The following ARHGAP22 variants were observed in gnomAD, a reference collection of about 807,000 sequenced individuals.
ARHGAP22 encodes rho GTPase-activating protein 22.
A neutral mutation model predicts 59.1 loss-of-function variants in ARHGAP22; 48 were observed. The observed-to-expected ratio is 0.81, with a 90% CI of 0.64 to 1.03. The LOEUF (loss-of-function observed/expected upper bound fraction) is 1.03. Ranked by LOEUF, ARHGAP22 falls within the 50% of genes least tolerant of loss-of-function variation. ARHGAP22 has a pLI of 0.00. For missense variants in ARHGAP22, 1,015 were observed against 958.7 expected (o/e 1.06, Z -0.78); for synonymous variants, 445 against 416.4 (o/e 1.07, Z -0.84).
chr10:48,535,639 G>A (rs571857090), intron 3 of ARHGAP22, among the ~76,000 whole-genome samples: 8 of 152,316 alleles, frequency 5.3e-5, no homozygotes, highest in South Asian at 4.1e-4. Flanking sequence ...CTGCCACACC[G>A]GTCCAGAGGG....
chr10:48,539,281 G>T (rs922938308), intron 3 of ARHGAP22, among the ~76,000 whole-genome samples: 10 of 138,862 alleles, frequency 7.2e-5, no homozygotes, highest in Non-Finnish European at 4.6e-5. Flanking sequence ...ATTAGTATGA[G>T]AAGGGTAACA....
intron 1 of ARHGAP22, among the ~76,000 whole-genome samples, chr10:48,637,388 A>G (rs566252815): frequency 6.9e-6 from 1 of 144,738 alleles, no homozygotes; most frequent in South Asian, 2.5e-4. Context: ...TGAGTAGCCA[A>G]TGGATGAATG....
At chr10:48,469,992 C>T (rs565299689) in intron 4 of ARHGAP22, among the ~76,000 whole-genome samples, 1 of 152,310 alleles carries the variant, frequency 6.6e-6, no homozygotes, top group East Asian at 1.9e-4. Flanking sequence ...TGTCTCCTCA[C>T]CAAAAGTGGG....
Position 48,450,760 on chromosome 10 carries a change from C to G in ARHGAP22, c.1369G>C (p.Gly457Arg). 1 of 1,561,978 alleles carries G rather than the reference C, an allele frequency of 6.4e-7. No individual in the cohort carries two copies. Among genetic ancestry groups the G allele is most frequent in the Non-Finnish European group, 8.7e-7 (1 of 1,153,372 alleles). ...SSLEVPIISSGGNWLMNGLSS... is the reference protein window; with the variant it reads ...SSLEVPIISSRGNWLMNGLSS... ...AGCCCGTTCATAAGCCAGTTCCCGC[C>G]GGAGGAGATGATGGGCACCTCCAGG... The change falls in exon 9 of 10, where the codon GGC becomes CGC. Residue 457 changes from glycine to arginine, a missense_variant. By Grantham distance (125) the Gly-to-Arg change is moderately radical. Coordinates refer to ENST00000249601, the MANE Select transcript of ARHGAP22 (RefSeq NM_021226.4).
At chr10:48,567,797 T>A (rs1474557125) in intron 2 of ARHGAP22, among the ~76,000 whole-genome samples, 1 of 152,150 alleles carries the variant, frequency 6.6e-6, no homozygotes, top group Non-Finnish European at 1.5e-5. Flanking sequence ...GAGGCCAACA[T>A]CTGGCCCACC....
At chr10:48,574,848 T>C (rs1189573617) in intron 2 of ARHGAP22, 4 of 152,170 alleles carry the variant, frequency 2.6e-5, no homozygotes, top group African/African-American at 9.7e-5. Context: ...ATTTGAGAAA[T>C]GGAGACAACC....
intron 3 of ARHGAP22, among the ~76,000 whole-genome samples, chr10:48,522,754 T>C (rs1344460739): frequency 2.0e-5 from 3 of 152,212 alleles, no homozygotes; most frequent in African/African-American, 7.2e-5. Flanking sequence ...AAATTCTTTT[T>C]CATTCTTTCT....
chr10:48,577,471 T>C (rs1410019645), intron 2 of ARHGAP22, among the ~76,000 whole-genome samples: 1 of 152,188 alleles, frequency 6.6e-6, no homozygotes, highest in Non-Finnish European at 1.5e-5. Context: ...AGGGTCCACC[T>C]CCGCCATTTT....
intron 1 of ARHGAP22, among the ~76,000 whole-genome samples, chr10:48,616,590 T>TA (rs2061092097): frequency 6.6e-6 from 1 of 152,150 alleles, no homozygotes; most frequent in East Asian, 1.9e-4. Flanking sequence ...CAAAAGCAGA[T>TA]AAATGACTTG....
At chr10:48,506,282 C>A (rs770138872) in intron 3 of ARHGAP22, among the ~76,000 whole-genome samples, 8 of 152,166 alleles carry the variant, frequency 5.3e-5, no homozygotes, top group Non-Finnish European at 1.2e-4. Flanking sequence ...CTCACACAAA[C>A]CTAGACAGTA....
At chr10:48,538,493 G>A (rs759343013) in intron 3 of ARHGAP22, among the ~76,000 whole-genome samples, 38 of 152,164 alleles carry the variant, frequency 2.5e-4, no homozygotes, top group Non-Finnish European at 2.1e-4. Flanking sequence ...CTATGTTCTT[G>A]GAACCCACGA....
intron 3 of ARHGAP22, among the ~76,000 whole-genome samples, chr10:48,544,001 G>A (rs1402154396): frequency 6.6e-6 from 1 of 152,122 alleles, no homozygotes; most frequent in African/African-American, 2.4e-5. Flanking sequence ...GTGTGCACCT[G>A]TAATCCCAGC....
intron 1 of ARHGAP22, among the ~76,000 whole-genome samples, chr10:48,650,549 G>T (rs2136214306): frequency 6.6e-6 from 1 of 152,290 alleles, no homozygotes; most frequent in Admixed American, 6.5e-5. Context: ...CTTCAAAATG[G>T]TTAAATTCAT....
At chr10:48,524,025 GC>G in intron 3 of ARHGAP22, 1 of 1,466,622 alleles carries the variant, frequency 6.8e-7, no homozygotes, top group Non-Finnish European at 9.0e-7. Flanking sequence ...GCCGCAGGGA[GC>G]GGGGCGCACG....
At chr10:48,602,615 T>C (rs376026276) in intron 1 of ARHGAP22, among the ~76,000 whole-genome samples, 8 of 152,174 alleles carry the variant, frequency 5.3e-5, no homozygotes, top group Admixed American at 3.3e-4. Flanking sequence ...TGCTTTCTCC[T>C]CTATCCAGCT....
Position 48,605,029 on chromosome 10 carries a change from C to T in ARHGAP22, c.-233G>A. 1 of 1,431,910 alleles carries T rather than the reference C, an allele frequency of 7.0e-7. No individual in the cohort carries two copies. Among genetic ancestry groups the T allele is most frequent in the East Asian group, 2.5e-5 (1 of 39,400 alleles). The allele number at this position is 1,431,910 out of a possible 1,614,324, so 88.7% of individuals were successfully genotyped here. Reference sequence around the variant, plus strand: ...ATCCATCCCAGAATTAATTCCCATCCAAGCGGACCATTAAAGCCTCAGTAA... The same window carrying T: ...ATCCATCCCAGAATTAATTCCCATCTAAGCGGACCATTAAAGCCTCAGTAA... On this transcript the variant is annotated 5_prime_UTR_variant, in exon 1 of 10. Transcript: ENST00000249601.
chr10:48,543,091 A>G (rs1042789763), intron 3 of ARHGAP22, among the ~76,000 whole-genome samples: 13 of 152,128 alleles, frequency 8.5e-5, no homozygotes, highest in Middle Eastern at 3.4e-3. Context: ...GTCTGTTCTC[A>G]CCCCTTGAGT....
intron 3 of ARHGAP22, among the ~76,000 whole-genome samples, chr10:48,550,282 A>T (rs1168474938): frequency 1.3e-5 from 2 of 152,144 alleles, no homozygotes; most frequent in African/African-American, 4.8e-5. Flanking sequence ...TCATCCTGTG[A>T]GTCAATGTCT....
chr10:48,451,010 C>T lies in ARHGAP22; in HGVS notation c.1119G>A (p.Glu373=). Residue 373 remains glutamate (E), a synonymous_variant, in exon 9 of 10, where the codon GAG becomes GAA. Coordinates refer to ENST00000249601, the MANE Select transcript of ARHGAP22 (RefSeq NM_021226.4). ...GLQCAVGWGS[E]EVTRDSQGEP... ...CTCCTTGGCTGTCCCTGGTGACCTC[C>T]TCGGAGCCCCACCCCACTGCGCATT... 1 of 1,555,834 alleles carries T rather than the reference C, an allele frequency of 6.4e-7. No homozygotes were observed. Among genetic ancestry groups the T allele is most frequent in the East Asian group, 2.4e-5 (1 of 41,240 alleles).
Sources: gnomAD v4.1 joint callset for allele counts (sites outside exome capture counted in the v4.1 genomes callset) on GRCh38, gnomAD v4.1.1 for gene constraint, MANE v1.5 for transcripts, NCBI Gene and HGNC (gene_info 2026-07-23, HGNC 2026-07-21) for gene names.